Variants in CEP164 observed in about 807,000 individuals in gnomAD.
CEP164 encodes centrosomal protein of 164 kDa.
CEP164 carries 162 observed loss-of-function variants against 182.7 expected under a neutral mutation model. The ratio of observed to expected loss-of-function variants is 0.89; its 90% CI spans 0.78 to 1.01. The LOEUF is 1.01. CEP164 is among the 50% of genes least tolerant of loss of function. The probability of loss-of-function intolerance (pLI) is 0.00; values close to 1 mark genes in which losing one functional copy is unlikely to be tolerated. For synonymous variants in CEP164, 661 were observed against 690.0 expected, an observed-to-expected ratio of 0.96 and a Z score of 0.66; for missense variants, 1,735 against 1,790.4, an observed-to-expected ratio of 0.97 and a Z score of 0.56.
intron 12 of CEP164, 146 bp downstream of exon 12, chr11:117,380,851 C>T (rs539484133): frequency 1.5e-6 from 1 of 678,814 alleles, no homozygotes; most frequent in Admixed American, 2.4e-5. Context: ...CTTGCAGGGT[C>T]TGTGTGTGCA....
chr11:117,381,307 CA>C (rs1205076239), intron 12 of CEP164, among the ~76,000 whole-genome samples: 6 of 152,230 alleles, frequency 3.9e-5, no homozygotes, highest in Non-Finnish European at 7.3e-5. Context: ...CAGCTTCATG[CA>C]TTTTTCTAGT....
At chr11:117,378,089 G>C (rs1454596139) in intron 11 of CEP164, among the ~76,000 whole-genome samples, 1 of 151,824 alleles carries the variant, frequency 6.6e-6, no homozygotes, top group South Asian at 2.1e-4. Context: ...GGCTGGTCTC[G>C]AACTCTTGAC....
chr11:117,341,786 C>G (rs2038166395), intron 3 of CEP164, among the ~76,000 whole-genome samples: 1 of 152,188 alleles, frequency 6.6e-6, no homozygotes, highest in Non-Finnish European at 1.5e-5. Context: ...CTGGTTGTCA[C>G]AGGTCCTTTG....
intron 15 of CEP164, among the ~76,000 whole-genome samples, chr11:117,388,942 T>A (rs189175128): frequency 3.9e-5 from 6 of 152,042 alleles, no homozygotes; most frequent in Admixed American, 3.9e-4. Flanking sequence ...ATTTTTTTTT[T>A]TTTATTTTTA....
chr11:117,369,525 G>A (rs901418218), intron 8 of CEP164, among the ~76,000 whole-genome samples: 2 of 152,148 alleles, frequency 1.3e-5, no homozygotes, highest in African/African-American at 4.8e-5. Context: ...CAGGGAGAGG[G>A]TCATTTCTTT....
In CEP164 at chr11:117,382,889, G is replaced by A; in HGVS notation, c.1671G>A (p.Glu557=). The A allele has an allele frequency of 6.2e-7, 1 of 1,613,986 alleles. No homozygotes were observed. The highest frequency in any genetic ancestry group is 8.5e-7 in the Non-Finnish European group (1 of 1,180,018). The change falls in exon 14 of 33, where the codon GAG becomes GAA. Residue 557 remains glutamate, a synonymous_variant. Transcript: ENST00000278935. ...TGGGCCCTGGGCAGGAAGAGGCAGA[G>A]GATCCTGAGGAGAAGGTGGCGGTCA... The part of the protein sequence containing the change: ...EELGPGQEEA[E]DPEEKVAVSP...
At chr11:117,327,810 GCGGGAC>G (rs1313911321), upstream of CEP164, 1 of 152,274 alleles carries the variant, frequency 6.6e-6, no homozygotes, top group Non-Finnish European at 1.5e-5. Context: ...CCTGCTGGAG[GCGGGAC>G]TCCCGGTTGC....
At chr11:117,354,237 C>T (rs2040039228) in intron 5 of CEP164, among the ~76,000 whole-genome samples, 1 of 152,004 alleles carries the variant, frequency 6.6e-6, no homozygotes, top group Non-Finnish European at 1.5e-5. Context: ...AGGCTGGTCT[C>T]GAACTCCTGA....
At chr11:117,348,557 C>T (rs555957706) in intron 4 of CEP164, among the ~76,000 whole-genome samples, 2 of 152,248 alleles carry the variant, frequency 1.3e-5, no homozygotes, top group Admixed American at 1.3e-4. Flanking sequence ...ATCCCAGTCA[C>T]ATGTCTTTTA....
At chr11:117,380,803 C>T in intron 12 of CEP164, 98 bp downstream of exon 12, 2 of 1,167,830 alleles carry the variant, frequency 1.7e-6, no homozygotes, top group Non-Finnish European at 1.2e-6. Flanking sequence ...GCTCAGTGTA[C>T]AGTTGCTTGG....
At chr11:117,332,152 A>G (rs185650098) in intron 1 of CEP164, among the ~76,000 whole-genome samples, 7 of 152,216 alleles carry the variant, frequency 4.6e-5, no homozygotes, top group Admixed American at 4.6e-4. Context: ...TAGCAGTTAC[A>G]GCAGTAACTG....
intron 27 of CEP164, among the ~76,000 whole-genome samples, chr11:117,406,353 G>T (rs2046673409): frequency 6.6e-6 from 1 of 152,172 alleles, no homozygotes; most frequent in African/African-American, 2.4e-5. Context: ...CACAAGAACA[G>T]TATGGGGGAA....
In CEP164 at chr11:117,355,135, G is replaced by A; in HGVS notation, c.393+3147G>A. On this transcript the variant is annotated intron_variant, in intron 5 of 32. Coordinates refer to ENST00000278935, the MANE Select transcript of CEP164 (RefSeq NM_014956.5). ...TGGGTGCCCTTCCCAGAAAGCTGCA[G>A]CCACTCTCCAAAGGCCAACCTTCCC... The A allele has an allele frequency of 2.3e-6, 3 of 1,289,838 alleles. No individual in the cohort carries two copies. In the South Asian group the frequency reaches 3.7e-5, roughly 16 times the overall value. 79.9% of individuals were successfully genotyped at this position (1,289,838 alleles called of 1,614,324 possible).
At chr11:117,395,836 G>A in intron 24 of CEP164, 114 bp downstream of exon 24, 1 of 1,335,430 alleles carries the variant, frequency 7.5e-7, no homozygotes, top group Non-Finnish European at 1.0e-6. Context: ...CAGCTTGGGA[G>A]CTAGGCAGAA....
In CEP164 at chr11:117,371,197, A is replaced by C. The variant is rs891002318; in HGVS notation, c.883A>C (p.Ser295Arg). The C allele has an allele frequency of 1.9e-6, 3 of 1,614,088 alleles. No individual in the cohort carries two copies. The highest frequency in any genetic ancestry group is 1.6e-4 in the Middle Eastern group (1 of 6,084). ...CCCAGGTGCAGACAGCAGTCTGAGC[A>C]GTGCTGTTGGCAAAGGGCGACAGGG... ...SSPGADSSLS[S>R]AVGKGRQGSG... Residue 295 changes from serine (S) to arginine (R), a missense_variant, in exon 9 of 33, where the codon AGT (serine) becomes CGT (arginine). Coordinates refer to ENST00000278935, the MANE Select transcript of CEP164 (RefSeq NM_014956.5).
intron 3 of CEP164, among the ~76,000 whole-genome samples, chr11:117,339,551 C>CA (rs2037785293): frequency 1.1e-5 from 1 of 94,576 alleles, no homozygotes; most frequent in Non-Finnish European, 1.9e-5. Context: ...TTTTTTGAGA[C>CA]AGAGTCTCAC....
intron 5 of CEP164, among the ~76,000 whole-genome samples, chr11:117,359,072 G>A (rs548583017): frequency 1.3e-5 from 2 of 152,148 alleles, no homozygotes; most frequent in Middle Eastern, 3.4e-3. Flanking sequence ...AGCCTCCTCA[G>A]TAGCTGGGAT....
At chr11:117,323,158 C>T (rs1373167221), upstream of CEP164, among the ~76,000 whole-genome samples, 1 of 152,146 alleles carries the variant, frequency 6.6e-6, no homozygotes, top group African/African-American at 2.4e-5. Flanking sequence ...ACCTCCACCT[C>T]CCAAAGTGCT....
chr11:117,364,079 C>A (rs896844887), intron 8 of CEP164: 2 of 151,890 alleles, frequency 1.3e-5, no homozygotes, highest in African/African-American at 4.8e-5. Flanking sequence ...TGTTTTTGTA[C>A]TTAGAAAGGA....
Sources: gnomAD v4.1 joint callset for allele counts (sites outside exome capture counted in the v4.1 genomes callset) on GRCh38, gnomAD v4.1.1 for gene constraint, MANE v1.5 for transcripts, NCBI Gene and HGNC (gene_info 2026-07-23, HGNC 2026-07-21) for gene names.